PARP10: variants seen among roughly 807,000 people sequenced by gnomAD.
PARP10 encodes the protein protein mono-ADP-ribosyltransferase PARP10.
A neutral mutation model predicts 82.4 loss-of-function variants in PARP10; 56 were observed. The ratio of observed to expected loss-of-function variants is 0.68; its 90% CI spans 0.55 to 0.85. The LOEUF (loss-of-function observed/expected upper bound fraction) is 0.85. Ranked by LOEUF, PARP10 falls within the 40% of genes least tolerant of loss-of-function variation. The pLI is 0.00. For missense variants in PARP10, 1,227 were observed against 1,379.4 expected, an observed-to-expected ratio of 0.89 and a Z score of 1.75; for synonymous variants, 576 against 601.1, an observed-to-expected ratio of 0.96 and a Z score of 0.61.
intron 4 of PARP10, 40 bp downstream of exon 4, chr8:143,985,372 G>A (rs1554749034): frequency 6.3e-7 from 1 of 1,593,236 alleles, no homozygotes; most frequent in Non-Finnish European, 8.6e-7. Context: ...GATTTCTGCA[G>A]GAGAGGGACG....
At position 143,983,550 on chromosome 8, in the gene PARP10, C is replaced by T. The variant is rs782279171; in HGVS notation, c.2039G>A (p.Arg680Gln). 7.5e-6 allele frequency: 12 copies of T among 1,606,380 alleles called. No individual in the cohort carries two copies. Among genetic ancestry groups the T allele is most frequent in the Middle Eastern group, 1.7e-4 (1 of 6,036 alleles). Residue 680 changes from arginine to glutamine, a missense_variant, in exon 8 of 11, where the codon CGG becomes CAG. Transcript: ENST00000313028. ...VAEQEEAAAL[R>Q]QALTLSLLEQ... is the part of the protein sequence containing the mutation. ...CAGCAGGGAGAGGGTTAGGGCTTGC[C>T]GCAGGGCAGCAGCCTCCTCCTGCTC...
In PARP10 at chr8:143,983,609, G is replaced by C. The variant is rs782535161; in HGVS notation, c.1980C>G (p.Leu660=). The C allele has an allele frequency of 1.2e-6, 2 of 1,604,606 alleles. No individual in the cohort carries two copies. The part of the protein sequence containing the change: ...LEEEAALQLA[L]HRSLEPQGQV... ...GACCTTGAGGCTCCAGTGACCGGTG[G>C]AGGGCCAGCTGCAGAGCGGCCTCCT... The change falls in exon 8 of 11, where the codon CTC becomes CTG. Residue 660 remains leucine, a synonymous_variant. Coordinates refer to ENST00000313028, the MANE Select transcript of PARP10 (RefSeq NM_032789.5).
chr8:143,984,986 G>A lies in PARP10; in HGVS notation c.1016C>T (p.Pro339Leu). The change falls in exon 5 of 11, where the codon CCC becomes CTC. Residue 339 changes from proline (P) to leucine (L), a missense_variant. Physicochemically the swap from Pro to Leu is moderately conservative, Grantham distance 98. Coordinates refer to ENST00000313028, the MANE Select transcript of PARP10 (RefSeq NM_032789.5). ...CTCTGCCTGTCCCAGAGACCCCATGGGACCTGTCCTCAGAGAGGTCCCTGA... is the reference window on the plus strand; with the variant it reads ...CTCTGCCTGTCCCAGAGACCCCATGAGACCTGTCCTCAGAGAGGTCCCTGA... Reference protein sequence around the residue: ...GQSGTSLRTGPMGSLGQAEQV... With the variant: ...GQSGTSLRTGLMGSLGQAEQV... The A allele has an allele frequency of 6.2e-7, 1 of 1,613,898 alleles. No individual in the cohort carries two copies. Among genetic ancestry groups the A allele is most frequent in the Non-Finnish European group, 8.5e-7 (1 of 1,179,986 alleles).
chr8:143,992,265 G>T (rs538211784), upstream of PARP10: 71 of 1,600,704 alleles, frequency 4.4e-5, no homozygotes, highest in Non-Finnish European at 5.5e-5. Context: ...CCGCCAGCCT[G>T]TCGTACATGG....
At chr8:143,978,278 T>C (rs923617826) in intron 9 of PARP10, among the ~76,000 whole-genome samples, 197 bp from the exon 10 acceptor site, 4 of 152,130 alleles carry the variant, frequency 2.6e-5, no homozygotes, top group African/African-American at 9.7e-5. Flanking sequence ...AGAGGGCCGC[T>C]GGGGAGGCCT....
At chr8:143,980,995 A>C (rs1351533203) in intron 9 of PARP10, among the ~76,000 whole-genome samples, 1 of 152,036 alleles carries the variant, frequency 6.6e-6, no homozygotes, top group Non-Finnish European at 1.5e-5. Context: ...AGCGAGGCCC[A>C]TTCTCCTCAT....
chr8:143,992,811 C>T (rs782528022), upstream of PARP10: 12 of 1,613,664 alleles, frequency 7.4e-6, no homozygotes, highest in African/African-American at 9.3e-5. Context: ...TCCTGTACAT[C>T]CTCACCATCA....
chr8:143,995,506 A>C (rs1048760315), upstream of PARP10, among the ~76,000 whole-genome samples: 1 of 152,146 alleles, frequency 6.6e-6, no homozygotes, highest in African/African-American at 2.4e-5. Context: ...CAGGCAGATG[A>C]ATCGGCACGG....
Position 143,985,069 on chromosome 8 carries a change from AC to A in PARP10, c.932del (p.Gly311ValfsTer10), listed in dbSNP as rs1554748914. 1 of 1,613,462 alleles carries A rather than the reference AC, an allele frequency of 6.2e-7. No homozygotes were observed. Among genetic ancestry groups the A allele is most frequent in the African/African-American group, 1.3e-5 (1 of 74,778 alleles). ...TAATCCCTCTACCCTGCACCATGGG[AC>A]CTGTCCTCAGAGAGGCCCCTGACTG... ...PGQSGASLRT[G>X]PMVQGRGIMT... On this transcript the variant is annotated frameshift_variant, in exon 5 of 11. Transcript: ENST00000313028. LOFTEE classifies it high-confidence loss of function.
In PARP10 at chr8:143,982,963, T is replaced by C; in HGVS notation, c.2525A>G (p.Asp842Gly). The change falls in exon 9 of 11, where the codon GAC (aspartate) becomes GGC (glycine). Residue 842 changes from aspartate (D) to glycine (G), a missense_variant. Asp to Gly is a moderately conservative substitution (Grantham distance 94). Transcript: ENST00000313028. Reference protein sequence around the residue: ...EVVRAFYDTLDAARSSIRVVR... With the variant: ...EVVRAFYDTLGAARSSIRVVR... Reference sequence around the variant, plus strand: ...GACGCGGATGCTGCTGCGGGCAGCGTCCAGGGTGTCGTAGAAGGCCCGCAC... The same window carrying C: ...GACGCGGATGCTGCTGCGGGCAGCGCCCAGGGTGTCGTAGAAGGCCCGCAC... The C allele has an allele frequency of 6.2e-7, 1 of 1,613,860 alleles. No homozygotes were observed. The highest frequency in any genetic ancestry group is 1.1e-5 in the South Asian group (1 of 91,084).
At chr8:143,994,082 G>A (rs982029718), upstream of PARP10, among the ~76,000 whole-genome samples, 4 of 152,204 alleles carry the variant, frequency 2.6e-5, no homozygotes, top group Non-Finnish European at 4.4e-5. Context: ...CACACCCCGC[G>A]GCTCTAGGCC....
At chr8:143,993,164 G>A (rs1554750890), upstream of PARP10, 4 of 342,344 alleles carry the variant, frequency 1.2e-5, no homozygotes, top group Non-Finnish European at 1.1e-5. Flanking sequence ...ACCAGGTCCC[G>A]GGGAGAGGGA....
In PARP10 at chr8:143,985,163, G is replaced by T; in HGVS notation, c.839C>A (p.Thr280Asn). 6.2e-7 allele frequency: 1 copy of T among 1,614,150 alleles called. No individual in the cohort carries two copies. Among genetic ancestry groups the T allele is most frequent in the Non-Finnish European group, 8.5e-7 (1 of 1,180,022 alleles). The change falls in exon 5 of 11, where the codon ACC (threonine) becomes AAC (asparagine). Residue 280 changes from threonine to asparagine, a missense_variant. Physicochemically the swap from Thr to Asn is moderately conservative, Grantham distance 65. Coordinates refer to ENST00000313028, the MANE Select transcript of PARP10 (RefSeq NM_032789.5). ...CTGCAGAGCCGTCACCAACCCTCCG[G>T]TCCTCAGGAGAGCATGCTTGGTAGC... ...PRATKHALLR[T>N]GGLVTALQGA...
intron 1 of PARP10, among the ~76,000 whole-genome samples, chr8:143,999,461 C>T (rs1834185358): frequency 1.3e-5 from 2 of 152,130 alleles, no homozygotes; most frequent in African/African-American, 4.8e-5. Context: ...ACCTCAGCCT[C>T]CCAAAGTGTT....
In PARP10 at chr8:143,985,395, T is replaced by C. The variant is rs1833962690; in HGVS notation, c.673+17A>G. ...CAGGAGAGGGACGGTCGGCTGGGTC[T>C]GCCCAGCCCCACTCACCTTGCCACT... On this transcript the variant is annotated intron_variant, in intron 4 of 10. Coordinates refer to ENST00000313028, the MANE Select transcript of PARP10 (RefSeq NM_032789.5). 1 of 1,601,482 alleles carries C rather than the reference T, an allele frequency of 6.2e-7. No homozygotes were observed. Among genetic ancestry groups the C allele is most frequent in the Admixed American group, 1.7e-5 (1 of 58,292 alleles).
intron 1 of PARP10, among the ~76,000 whole-genome samples, chr8:144,005,822 G>GCCT (rs1403741312): frequency 6.6e-6 from 1 of 151,982 alleles, no homozygotes; most frequent in Non-Finnish European, 1.5e-5. Context: ...TGTCAAGGAG[G>GCCT]CCTCCAGACC....
In PARP10 at chr8:143,984,527, C is replaced by T. The variant is rs564583590; in HGVS notation, c.1458+17G>A. 7.5e-6 allele frequency: 12 copies of T among 1,601,800 alleles called. No individual in the cohort carries two copies. The Middle Eastern group carries it at 5.0e-4, about 67-fold the overall frequency. On this transcript the variant is annotated intron_variant, in intron 5 of 10. Coordinates refer to ENST00000313028, the MANE Select transcript of PARP10 (RefSeq NM_032789.5). Reference sequence around the variant, plus strand: ...GAGGAGGGGGCTGAAGGTGAGGAGTCCTGAGGGGTCACTCACCCGAAAGCC... The same window carrying T: ...GAGGAGGGGGCTGAAGGTGAGGAGTTCTGAGGGGTCACTCACCCGAAAGCC...
At position 143,983,258 on chromosome 8, in the gene PARP10, G is replaced by T; in HGVS notation, c.2331C>A (p.His777Gln). 4 of 1,613,076 alleles carry T rather than the reference G, an allele frequency of 2.5e-6. No individual in the cohort carries two copies. Among genetic ancestry groups the T allele is most frequent in the Non-Finnish European group, 3.4e-6 (4 of 1,179,814 alleles). Residue 777 changes from histidine to glutamine, a missense_variant, in exon 8 of 11, where the codon CAC becomes CAA. His to Gln is a conservative substitution (Grantham distance 24). Coordinates refer to ENST00000313028, the MANE Select transcript of PARP10 (RefSeq NM_032789.5). ...CCAAGTGGCGGGCAGCACGGGCAGG[G>T]TGGGCCCCGAAGCCACGGAGGATGG... is the stretch of plus-strand genomic sequence containing the variant. ...DCTILRGFGA[H>Q]PARAARHLVA...
At chr8:143,995,115 G>T (rs2133070441), upstream of PARP10, among the ~76,000 whole-genome samples, 1 of 152,316 alleles carries the variant, frequency 6.6e-6, no homozygotes, top group South Asian at 2.1e-4. Context: ...GGGCCAGGGG[G>T]TGGAGGGTCC....
Sources: gnomAD v4.1 joint callset for allele counts (sites outside exome capture counted in the v4.1 genomes callset) on GRCh38, gnomAD v4.1.1 for gene constraint, MANE v1.5 for transcripts, NCBI Gene and HGNC (gene_info 2026-07-23, HGNC 2026-07-21) for gene names.